Variants in LINGO2 observed in about 807,000 individuals in gnomAD.
LINGO2 encodes the protein leucine rich repeat and Ig domain containing 2, also known as leucine-rich repeat and immunoglobulin-like domain-containing nogo receptor-interacting protein 2.
Under a neutral mutation model 30.6 loss-of-function variants are expected in LINGO2, and 14 were observed. The ratio of observed to expected loss-of-function variants is 0.46; its 90% CI spans 0.30 to 0.72. LINGO2 has a LOEUF of 0.72. Among genes scored for constraint, LINGO2 ranks in the 30% least tolerant of loss-of-function variants. LINGO2 has a pLI of 0.07. For missense variants in LINGO2, 729 were observed against 751.7 expected (o/e 0.97, Z 0.35); for synonymous variants, 317 against 288.5 (o/e 1.10, Z -1.00).
At chr9:28,042,979 C>T (rs1259610057) in intron 4 of LINGO2, among the ~76,000 whole-genome samples, 1 of 152,264 alleles carries the variant, frequency 6.6e-6, no homozygotes, top group African/African-American at 2.4e-5. Flanking sequence ...AAAACAGGTA[C>T]ACTTTAAGGG....
chr9:28,940,281 C>G, the LINGO2 span, among the ~76,000 whole-genome samples: 1 of 152,000 alleles, frequency 6.6e-6, no homozygotes, highest in Non-Finnish European at 1.5e-5. Flanking sequence ...ATTATGGTAC[C>G]CCACTCCTCA....
At chr9:28,740,877 T>C in the LINGO2 span, among the ~76,000 whole-genome samples, 1 of 152,070 alleles carries the variant, frequency 6.6e-6, no homozygotes, top group African/African-American at 2.4e-5. Flanking sequence ...ATAGATCTTT[T>C]GACCTTATTC....
intron 4 of LINGO2, among the ~76,000 whole-genome samples, chr9:28,185,070 C>T (rs958189305): frequency 3.3e-5 from 5 of 152,186 alleles, no homozygotes; most frequent in Admixed American, 3.3e-4. Flanking sequence ...GGCCCAGCTA[C>T]ACTGAAATTG....
the LINGO2 span, among the ~76,000 whole-genome samples, chr9:28,735,056 G>C: frequency 1.3e-5 from 2 of 151,988 alleles, no homozygotes; most frequent in Non-Finnish European, 2.9e-5. Context: ...TTGTACTTCT[G>C]ATTTTTTTAT....
intron 1 of LINGO2, among the ~76,000 whole-genome samples, chr9:28,519,334 CA>C (rs1448056197): frequency 1.3e-5 from 2 of 152,124 alleles, no homozygotes; most frequent in Non-Finnish European, 2.9e-5. Flanking sequence ...TGCACTTGGT[CA>C]CACAAGATCT....
the LINGO2 span, among the ~76,000 whole-genome samples, chr9:28,793,103 C>T: frequency 6.6e-6 from 1 of 151,960 alleles, no homozygotes. Context: ...AGTAGAAATC[C>T]AATATCTTTA....
chr9:28,337,830 G>A (rs554285727), intron 3 of LINGO2, among the ~76,000 whole-genome samples: 2 of 152,114 alleles, frequency 1.3e-5, no homozygotes, highest in African/African-American at 2.4e-5. Context: ...GAGGATGTAT[G>A]GAAATGCCTG....
chr9:28,265,492 TAGATA>T (rs1214094229), intron 4 of LINGO2, among the ~76,000 whole-genome samples: 3 of 152,022 alleles, frequency 2.0e-5, no homozygotes, highest in Non-Finnish European at 4.4e-5. Context: ...GATTGTAGAT[TAGATA>T]AAAGTAGAAT....
chr9:27,952,720 A>G (rs1425829216), intron 5 of LINGO2, among the ~76,000 whole-genome samples: 1 of 152,104 alleles, frequency 6.6e-6, no homozygotes, highest in East Asian at 1.9e-4. Context: ...GAAAATTTGC[A>G]TACTAACTTT....
chr9:28,186,198 A>G (rs1326520159), intron 4 of LINGO2, among the ~76,000 whole-genome samples: 1 of 152,188 alleles, frequency 6.6e-6, no homozygotes, highest in Non-Finnish European at 1.5e-5. Context: ...GGATTGGAAA[A>G]GTCGAGAGGG....
the LINGO2 span, among the ~76,000 whole-genome samples, chr9:28,988,357 TC>T: frequency 1.6e-4 from 25 of 152,192 alleles, no homozygotes; most frequent in Non-Finnish European, 2.9e-4. Context: ...ACCCCTGCTT[TC>T]TTTTGCTTTC....
At chr9:29,031,525 T>C in the LINGO2 span, among the ~76,000 whole-genome samples, 54,172 of 151,672 alleles carry the variant, frequency 0.36, 9,791 homozygotes, top group East Asian at 0.48. Flanking sequence ...TCAAGTGATC[T>C]GCCCACCTCT....
At chr9:28,071,332 A>G (rs961805096) in intron 4 of LINGO2, among the ~76,000 whole-genome samples, 13 of 152,188 alleles carry the variant, frequency 8.5e-5, no homozygotes, top group African/African-American at 3.1e-4. Context: ...GGAGTAGGCT[A>G]TGTTCTTTCT....
the LINGO2 span, among the ~76,000 whole-genome samples, chr9:29,128,174 C>T: frequency 6.6e-6 from 1 of 152,052 alleles, no homozygotes; most frequent in African/African-American, 2.4e-5. Flanking sequence ...CCAGTGCCCA[C>T]CTAAGGTCAG....
At chr9:28,498,312 C>T (rs192601850) in intron 1 of LINGO2, among the ~76,000 whole-genome samples, 227 of 152,276 alleles carry the variant, frequency 1.5e-3, no homozygotes, top group Non-Finnish European at 2.8e-3. Flanking sequence ...CCATCCAGTT[C>T]GAGCTTCCTG....
At chr9:28,543,784 AT>A (rs1362830960) in intron 1 of LINGO2, among the ~76,000 whole-genome samples, 39 of 152,208 alleles carry the variant, frequency 2.6e-4, no homozygotes, top group African/African-American at 7.9e-4. Flanking sequence ...TGCTTCATTA[AT>A]TTCAAACACA....
the LINGO2 span, among the ~76,000 whole-genome samples, chr9:28,733,151 A>G: frequency 6.6e-6 from 1 of 152,180 alleles, no homozygotes; most frequent in Non-Finnish European, 1.5e-5. Flanking sequence ...GTTTAACTTC[A>G]GCCTTAGAAA....
intron 1 of LINGO2, among the ~76,000 whole-genome samples, chr9:28,590,178 G>A (rs183282548): frequency 6.6e-6 from 1 of 151,212 alleles, no homozygotes; most frequent in Non-Finnish European, 1.5e-5. Context: ...AGCCTTACAT[G>A]TTAGACCTAA....
At chr9:29,028,414 G>T in the LINGO2 span, among the ~76,000 whole-genome samples, 1 of 40,816 alleles carries the variant, frequency 2.5e-5, no homozygotes, top group African/African-American at 9.0e-5. Flanking sequence ...TAAGTGGGTA[G>T]TGTGTGGGGG....
Sources: allele counts gnomAD v4.1 joint callset (sites outside exome capture counted in the v4.1 genomes callset), GRCh38; gene constraint gnomAD v4.1.1; transcripts MANE v1.5; gene names NCBI Gene and HGNC (gene_info 2026-07-23, HGNC 2026-07-21).